MINK1: variants seen among roughly 807,000 people sequenced by gnomAD.
MINK1 encodes misshapen like kinase 1.
In MINK1, 46 loss-of-function variants were observed where a neutral mutation model predicts 178.4. The observed-to-expected ratio is 0.26, with a 90% CI of 0.20 to 0.33. The LOEUF is 0.33. Ranked by LOEUF, MINK1 falls within the 10% of genes least tolerant of loss-of-function variation. The probability of loss-of-function intolerance (pLI) is 1.00; values close to 1 mark genes in which losing one functional copy is unlikely to be tolerated. For synonymous variants in MINK1, 797 were observed against 709.7 expected, an observed-to-expected ratio of 1.12 and a Z score of -1.96; for missense variants, 1,366 against 1,814.9, an observed-to-expected ratio of 0.75 and a Z score of 4.49.
At chr17:4,844,830 G>T (rs1008383887) in intron 1 of MINK1, among the ~76,000 whole-genome samples, 1 of 152,148 alleles carries the variant, frequency 6.6e-6, no homozygotes, top group African/African-American at 2.4e-5. Context: ...CTTTAAAAAT[G>T]TGTTGTTGTT....
chr17:4,893,935 A>G, intron 21 of MINK1, 53 bp from the exon 22 acceptor site: 2 of 1,427,132 alleles, frequency 1.4e-6, no homozygotes, highest in Non-Finnish European at 1.9e-6. Context: ...TGCCTTTGGC[A>G]CTTCTGTGGC....
intron 15 of MINK1, 105 bp from the exon 16 acceptor site, chr17:4,891,351 A>G (rs1968793036): frequency 1.5e-5 from 21 of 1,416,968 alleles, no homozygotes; most frequent in South Asian, 3.0e-5. Flanking sequence ...TTGTCCTTCA[A>G]TGGAGGAAGG....
In MINK1 at chr17:4,896,597, G is replaced by A. The variant is rs376208917; in HGVS notation, c.3775+9G>A. 6.2e-7 allele frequency: 1 copy of A among 1,613,658 alleles called. No individual in the cohort carries two copies. The highest frequency in any genetic ancestry group is 1.7e-5 in the Admixed American group (1 of 60,002). On this transcript the variant is annotated intron_variant, in intron 30 of 31. Transcript: ENST00000355280. This position sits in a 1 kb window ranked among gnomAD's most constrained non-coding sequence, Gnocchi z 4.6. Reference sequence around the variant, plus strand: ...GATGCCTACTTCTGTGGGTGAGTGAGCTGCCGCCCTCCCAGCCACATGCCC... The same window carrying A: ...GATGCCTACTTCTGTGGGTGAGTGAACTGCCGCCCTCCCAGCCACATGCCC...
intron 1 of MINK1, chr17:4,844,445 G>A (rs1047435129): frequency 8.9e-6 from 4 of 450,262 alleles, no homozygotes; most frequent in East Asian, 7.1e-5. Flanking sequence ...TTCATGGGCT[G>A]GAGACAGTCT....
chr17:4,839,939 ATGTGTGTGTG>A (rs34473686), intron 1 of MINK1, among the ~76,000 whole-genome samples: 33,044 of 141,728 alleles, frequency 0.23, 3,845 homozygotes, highest in Admixed American at 0.31. Flanking sequence ...TTATTTATTA[ATGTGTGTGTG>A]TGTGTGTGTG....
chr17:4,894,656 G>C lies in MINK1; in HGVS notation c.2917+23G>C. The C allele has an allele frequency of 6.4e-7, 1 of 1,559,686 alleles. No homozygotes were observed. The highest frequency in any genetic ancestry group is 8.8e-7 in the Non-Finnish European group (1 of 1,142,364). ...CAGGTGAGGACAGGAGGACAGACCT[G>C]CTGTGAGGCCAGGGTCCAGGGGCAG... On this transcript the variant is annotated intron_variant, in intron 24 of 31. Coordinates refer to ENST00000355280, the MANE Select transcript of MINK1 (RefSeq NM_153827.5). The surrounding 1 kb of genome is among the most constrained non-coding windows in gnomAD (Gnocchi z 4.1).
chr17:4,894,756 G>C lies in MINK1; in HGVS notation c.2917+123G>C, dbSNP rs1161046543. The C allele has an allele frequency of 2.6e-6, 2 of 768,432 alleles. No individual in the cohort carries two copies. Among genetic ancestry groups the C allele is most frequent in the Admixed American group, 4.4e-5 (2 of 45,012 alleles). 47.6% of individuals were successfully genotyped at this position (768,432 alleles called of 1,614,324 possible). A position where few individuals can be genotyped will look rare whatever the true frequency, so the allele number is the denominator to read the frequency against. On this transcript the variant is annotated intron_variant, in intron 24 of 31. Transcript: ENST00000355280. This position sits in a 1 kb window ranked among gnomAD's most constrained non-coding sequence, Gnocchi z 4.1. Reference sequence around the variant, plus strand: ...CACAGGACCTCTCCCTTGGGCCCTAGCACCTGCCTGGGCACAGAGGCAAGG... The same window carrying C: ...CACAGGACCTCTCCCTTGGGCCCTACCACCTGCCTGGGCACAGAGGCAAGG...
Position 4,895,029 on chromosome 17 carries a change from G to A in MINK1, c.2918-46G>A. The A allele has an allele frequency of 1.3e-6, 2 of 1,599,294 alleles. No homozygotes were observed. The highest frequency in any genetic ancestry group is 8.5e-7 in the Non-Finnish European group (1 of 1,170,206). ...GGGGATGGAGGTAAAAAGAGATGGGGTGAGAAGCTGCAGCCCCTCCTCCCA... is the reference window on the plus strand; with the variant it reads ...GGGGATGGAGGTAAAAAGAGATGGGATGAGAAGCTGCAGCCCCTCCTCCCA... On this transcript the variant is annotated intron_variant, in intron 24 of 31. Transcript: ENST00000355280. The surrounding 1 kb of genome is among the most constrained non-coding windows in gnomAD (Gnocchi z 4.3).
At chr17:4,872,801 C>T (rs1043893189) in intron 1 of MINK1, among the ~76,000 whole-genome samples, 3 of 152,042 alleles carry the variant, frequency 2.0e-5, no homozygotes, top group Non-Finnish European at 4.4e-5. Flanking sequence ...CTCAAACATC[C>T]ACCCTTTTTG....
At chr17:4,864,598 G>C (rs1365883225) in intron 1 of MINK1, among the ~76,000 whole-genome samples, 1 of 151,746 alleles carries the variant, frequency 6.6e-6, no homozygotes, top group African/African-American at 2.4e-5. Context: ...GGTGGTGGGT[G>C]CCTGTAATCC....
At chr17:4,872,113 T>G (rs1915928819) in intron 1 of MINK1, among the ~76,000 whole-genome samples, 1 of 150,338 alleles carries the variant, frequency 6.7e-6, no homozygotes, top group Non-Finnish European at 1.5e-5. Flanking sequence ...GCGGATCACT[T>G]GAGGTCAGGA....
In MINK1 at chr17:4,876,397, C is replaced by G. The variant is rs144040957; in HGVS notation, c.58-1920C>G. On this transcript the variant is annotated intron_variant, in intron 1 of 31. Coordinates refer to ENST00000355280, the MANE Select transcript of MINK1 (RefSeq NM_153827.5). ...CTCTGATGGGGCAGGCACAGGGTGCCGGGGCACGTCTCCGCTCTCCAGCTC... is the reference window on the plus strand; with the variant it reads ...CTCTGATGGGGCAGGCACAGGGTGCGGGGGCACGTCTCCGCTCTCCAGCTC... 2.3e-3 allele frequency among the ~76,000 whole-genome samples: 357 copies of G among 152,256 alleles called. 3 individuals carry two copies. The highest frequency in any genetic ancestry group is 8.0e-3 in the Admixed American group (123 of 15,294).
At chr17:4,859,957 G>A (rs757783051) in intron 1 of MINK1, among the ~76,000 whole-genome samples, 32 of 152,024 alleles carry the variant, frequency 2.1e-4, no homozygotes, top group Non-Finnish European at 4.0e-4. Context: ...GGTACAGAGG[G>A]AAGGGGCGCG....
chr17:4,867,145 T>G (rs1345043554), intron 1 of MINK1, among the ~76,000 whole-genome samples: 3 of 135,834 alleles, frequency 2.2e-5, no homozygotes, highest in African/African-American at 5.6e-5. Context: ...ACTGTTTTTT[T>G]TTTTTTTTTT....
At chr17:4,854,512 A>G (rs1459661007) in intron 1 of MINK1, among the ~76,000 whole-genome samples, 2 of 152,170 alleles carry the variant, frequency 1.3e-5, no homozygotes, top group Admixed American at 6.5e-5. Flanking sequence ...ATGTGTATTC[A>G]TGTATGTGTC....
Position 4,896,279 on chromosome 17 carries a change from T to C in MINK1, c.3552T>C (p.Ser1184=), listed in dbSNP as rs1379581174. 2 of 1,607,140 alleles carry C rather than the reference T, an allele frequency of 1.2e-6. No homozygotes were observed. The highest frequency in any genetic ancestry group is 1.7e-6 in the Non-Finnish European group (2 of 1,176,266). ...GQRLKVIYGS[S]AGFHAVDVDS... ...GGCTCAAGGTCATCTATGGCTCCAGTGCTGGCTTCCATGCTGTGGATGTCG... is the reference window on the plus strand; with the variant it reads ...GGCTCAAGGTCATCTATGGCTCCAGCGCTGGCTTCCATGCTGTGGATGTCG... Residue 1184 remains serine (S), a synonymous_variant, in exon 29 of 32, where the codon AGT becomes AGC. Transcript: ENST00000355280. This position sits in a 1 kb window ranked among gnomAD's most constrained non-coding sequence, Gnocchi z 4.6.
rs763029716 is a variant in MINK1 at position 4,895,861 on chromosome 17, G to A, written c.3364+29G>A. 58 of 1,607,490 alleles carry A rather than the reference G, an allele frequency of 3.6e-5. No individual in the cohort carries two copies. The highest frequency in any genetic ancestry group is 1.0e-4 in the Admixed American group (6 of 59,330). On this transcript the variant is annotated intron_variant, in intron 27 of 31. Transcript: ENST00000355280. This position sits in a 1 kb window ranked among gnomAD's most constrained non-coding sequence, Gnocchi z 4.3. ...AGGATGTCCCAACAGAGTGGCCAGC[G>A]CATACTTGTTCATGAAGAGAGAAAT...
Position 4,895,455 on chromosome 17 carries a change from A to T in MINK1, c.3191A>T (p.Asp1064Val). 1 of 1,602,354 alleles carries T rather than the reference A, an allele frequency of 6.2e-7. No individual in the cohort carries two copies. The highest frequency in any genetic ancestry group is 8.5e-7 in the Non-Finnish European group (1 of 1,173,246). ...GGGCGGCGACGCTTCCAGCAGATGG[A>T]TGTGCTGGAGGGGCTCAACCTGCTC... is the stretch of plus-strand genomic sequence containing the variant. ...LIGRRRFQQM[D>V]VLEGLNLLIT... Residue 1064 changes from aspartate to valine, a missense_variant, in exon 26 of 32, where the codon GAT becomes GTT. This residue lies in a region of MINK1 where 77 missense variants were observed against 119.5 expected (regional missense o/e 0.64). Coordinates refer to ENST00000355280, the MANE Select transcript of MINK1 (RefSeq NM_153827.5). This position sits in a 1 kb window ranked among gnomAD's most constrained non-coding sequence, Gnocchi z 4.3.
chr17:4,884,552 C>T (rs1298101304), intron 5 of MINK1, 79 bp downstream of exon 5: 50 of 1,093,040 alleles, frequency 4.6e-5, no homozygotes, highest in Non-Finnish European at 6.5e-5. Context: ...ATCCTCCCTG[C>T]GCTGGGAGGA....
Sources: allele counts gnomAD v4.1 joint callset (sites outside exome capture counted in the v4.1 genomes callset), GRCh38; gene constraint gnomAD v4.1.1; regional missense constraint gnomAD v4.1.1; non-coding constraint Gnocchi (gnomAD v3.1); transcripts MANE v1.5; gene names NCBI Gene and HGNC (gene_info 2026-07-23, HGNC 2026-07-21).